Variants in GBE1 observed in about 807,000 individuals in gnomAD.
The protein encoded by GBE1 is 1,4-alpha-glucan-branching enzyme.
Under a neutral mutation model 88.8 loss-of-function variants are expected in GBE1, and 70 were observed. The observed-to-expected ratio is 0.79, with a 90% CI of 0.65 to 0.96. The LOEUF is 0.96. GBE1 is among the 40% of genes least tolerant of loss of function. The pLI is 0.00. For synonymous variants in GBE1, 284 were observed against 300.1 expected (o/e 0.95, Z 0.56); for missense variants, 872 against 871.0 (o/e 1.00, Z -0.01).
chr3:81,753,154 T>C (rs1015733383), intron 1 of GBE1, among the ~76,000 whole-genome samples: 1 of 152,186 alleles, frequency 6.6e-6, no homozygotes, highest in Non-Finnish European at 1.5e-5. Context: ...ATGTATAACA[T>C]ATTTTAAAAC....
chr3:81,551,549 A>G (rs1703271914), intron 12 of GBE1, among the ~76,000 whole-genome samples: 1 of 152,116 alleles, frequency 6.6e-6, no homozygotes, highest in Non-Finnish European at 1.5e-5. Flanking sequence ...CAGAAACTCA[A>G]TGCAACCATT....
intron 1 of GBE1, among the ~76,000 whole-genome samples, chr3:81,738,016 T>C (rs1706294102): frequency 6.6e-6 from 1 of 152,118 alleles, no homozygotes; most frequent in African/African-American, 2.4e-5. Context: ...GGTTTCTTGT[T>C]CTTGCGATAG....
intron 1 of GBE1, among the ~76,000 whole-genome samples, chr3:81,708,697 T>C (rs1400765850): frequency 6.6e-6 from 1 of 152,182 alleles, no homozygotes; most frequent in African/African-American, 2.4e-5. Context: ...AAGACATCTA[T>C]GTATATAATA....
chr3:81,544,770 G>A (rs966417623), intron 12 of GBE1, among the ~76,000 whole-genome samples: 4 of 152,066 alleles, frequency 2.6e-5, no homozygotes, highest in Non-Finnish European at 4.4e-5. Context: ...TTTTTTTGCT[G>A]TTTGATGTAA....
chr3:81,556,180 TTAAAA>T, intron 12 of GBE1, among the ~76,000 whole-genome samples: 1 of 152,254 alleles, frequency 6.6e-6, no homozygotes, highest in Non-Finnish European at 1.5e-5. Flanking sequence ...AGAAGGAGAC[TTAAAA>T]TAAAATATGC....
At chr3:81,616,231 T>C (rs1704246393) in intron 7 of GBE1, among the ~76,000 whole-genome samples, 1 of 152,162 alleles carries the variant, frequency 6.6e-6, no homozygotes, top group South Asian at 2.1e-4. Flanking sequence ...GTAGTCCAAT[T>C]TATCAATTTT....
In GBE1 at chr3:81,705,730, G is replaced by A. The variant is rs1311818440; in HGVS notation, c.144-117C>T. 1.0e-5 allele frequency: 6 copies of A among 574,570 alleles called. No homozygotes were observed. In the Middle Eastern group the frequency reaches 1.8e-3, roughly 168 times the overall value. The allele number at this position is 574,570 out of a possible 1,614,324, so 35.6% of individuals were successfully genotyped here. On this transcript the variant is annotated intron_variant, in intron 1 of 15. Coordinates refer to ENST00000429644, the MANE Select transcript of GBE1 (RefSeq NM_000158.4). ...GGGAAAAAAAGACATTATTAAAGAA[G>A]AATAATATAAATAATTTCATTTATT...
chr3:81,500,199 G>C (rs1171901227), intron 14 of GBE1, among the ~76,000 whole-genome samples: 1 of 152,030 alleles, frequency 6.6e-6, no homozygotes, highest in Non-Finnish European at 1.5e-5. Context: ...AGTCAATCCA[G>C]GTCAGCCTTC....
chr3:81,747,990 C>A (rs1346756427), intron 1 of GBE1, among the ~76,000 whole-genome samples: 2 of 152,148 alleles, frequency 1.3e-5, no homozygotes, highest in Non-Finnish European at 2.9e-5. Flanking sequence ...CATGAAAGCA[C>A]GCACCTGTAA....
At chr3:81,588,082 T>TAAG (rs1288379356) in intron 9 of GBE1, among the ~76,000 whole-genome samples, 1 of 148,422 alleles carries the variant, frequency 6.7e-6, no homozygotes, top group Non-Finnish European at 1.5e-5. Flanking sequence ...ATAGGCTCTC[T>TAAG]AAGACTCAGG....
intron 12 of GBE1, among the ~76,000 whole-genome samples, chr3:81,547,127 C>T (rs1703215907): frequency 6.6e-6 from 1 of 151,318 alleles, no homozygotes; most frequent in Non-Finnish European, 1.5e-5. Context: ...GGTGCATATA[C>T]CCGAGTGAAG....
In GBE1 at chr3:81,750,645, G is replaced by GTATATATATATGTA. The variant is rs1706508593; in HGVS notation, c.143+10729_143+10730insTACATATATATATA. Among the ~76,000 whole-genome samples the GTATATATATATGTA allele has an allele frequency of 5.0e-4, 24 of 47,710 alleles. 1 individual carries two copies. In the East Asian group the frequency reaches 9.4e-3, roughly 19 times the overall value. The allele number at this position is 47,710 out of a possible 152,430, so 31.3% of individuals were successfully genotyped here. A position where few individuals can be genotyped will look rare whatever the true frequency, so the allele number is the denominator to read the frequency against. ...TATATATATACGTATATATATATAT[G>GTATATATATATGTA]TATATATATATATGTATATATATAT... On this transcript the variant is annotated intron_variant, in intron 1 of 15. Coordinates refer to ENST00000429644, the MANE Select transcript of GBE1 (RefSeq NM_000158.4).
chr3:81,554,386 C>T (rs1450581960), intron 12 of GBE1, among the ~76,000 whole-genome samples: 2 of 152,140 alleles, frequency 1.3e-5, no homozygotes, highest in Non-Finnish European at 2.9e-5. Context: ...GATATGAAAG[C>T]AAGGAATAAA....
intron 3 of GBE1, among the ~76,000 whole-genome samples, chr3:81,651,363 C>T (rs1479700826): frequency 6.6e-6 from 1 of 152,106 alleles, no homozygotes; most frequent in African/African-American, 2.4e-5. Context: ...CCTTCAGATG[C>T]CAAAAAATAA....
chr3:81,532,841 A>G (rs1703027511), intron 14 of GBE1, among the ~76,000 whole-genome samples: 1 of 152,098 alleles, frequency 6.6e-6, no homozygotes, highest in Non-Finnish European at 1.5e-5. Flanking sequence ...GATTTCTAAT[A>G]GCTGAAATGG....
intron 1 of GBE1, among the ~76,000 whole-genome samples, chr3:81,723,405 A>C: frequency 6.6e-6 from 1 of 151,916 alleles, no homozygotes; most frequent in East Asian, 1.9e-4. Context: ...CCAGCCAAAT[A>C]AAAGTAATTT....
At chr3:81,578,666 A>G (rs1406860488) in intron 11 of GBE1, among the ~76,000 whole-genome samples, 3 of 151,974 alleles carry the variant, frequency 2.0e-5, no homozygotes, top group Non-Finnish European at 4.4e-5. Context: ...TTTAATCTAA[A>G]TTTAGTTTGT....
At chr3:81,554,396 A>G (rs1244345553) in intron 12 of GBE1, among the ~76,000 whole-genome samples, 1 of 152,246 alleles carries the variant, frequency 6.6e-6, no homozygotes, top group African/African-American at 2.4e-5. Flanking sequence ...CAAGGAATAA[A>G]TTAGCCAACT....
intron 3 of GBE1, among the ~76,000 whole-genome samples, chr3:81,663,519 A>T (rs543223176): frequency 6.6e-6 from 1 of 152,260 alleles, no homozygotes; most frequent in Non-Finnish European, 1.5e-5. Flanking sequence ...CTCTGCCATC[A>T]GCAGAGAGCT....
Sources: allele counts gnomAD v4.1 joint callset (sites outside exome capture counted in the v4.1 genomes callset), GRCh38; gene constraint gnomAD v4.1.1; transcripts MANE v1.5; gene names NCBI Gene and HGNC (gene_info 2026-07-23, HGNC 2026-07-21).